SLC35H1: variants seen among roughly 807,000 people sequenced by gnomAD.
SLC35H1 encodes the protein ovarian cancer-overexpressed gene 1 protein.
the SLC35H1 span, among the ~76,000 whole-genome samples, chr20:46,354,006 C>T: frequency 6.6e-6 from 1 of 152,064 alleles, no homozygotes; most frequent in Non-Finnish European, 1.5e-5. Context: ...GCATTACAGA[C>T]GGGACTCTGG....
chr20:46,359,015 C>T, the SLC35H1 span: 1 of 507,276 alleles, frequency 2.0e-6, no homozygotes, highest in Non-Finnish European at 3.6e-6. Flanking sequence ...TCAGCAGCTT[C>T]CAGTGCTTTT....
the SLC35H1 span, among the ~76,000 whole-genome samples, chr20:46,357,392 C>T: frequency 6.6e-6 from 1 of 152,190 alleles, no homozygotes; most frequent in East Asian, 1.9e-4. Context: ...GCTGCGGGGC[C>T]GCAGGTGCAG....
At chr20:46,355,411 C>T in the SLC35H1 span, 1 of 725,204 alleles carries the variant, frequency 1.4e-6, no homozygotes, top group South Asian at 1.9e-5. This position sits in a 1 kb window ranked among gnomAD's most constrained non-coding sequence, Gnocchi z 4.8. Flanking sequence ...CCACCAATGT[C>T]AGCATGTAGG....
the SLC35H1 span, chr20:46,359,014 T>A: frequency 2.0e-6 from 1 of 507,260 alleles, no homozygotes; most frequent in South Asian, 2.1e-5. Flanking sequence ...TTCAGCAGCT[T>A]CCAGTGCTTT....
At chr20:46,357,466 G>A in the SLC35H1 span, among the ~76,000 whole-genome samples, 4 of 152,238 alleles carry the variant, frequency 2.6e-5, no homozygotes, top group Non-Finnish European at 4.4e-5. Flanking sequence ...AGGCAGCAGC[G>A]TGGGTGGTGG....
chr20:46,355,195 A>T, the SLC35H1 span: 8 of 1,613,976 alleles, frequency 5.0e-6, no homozygotes, highest in Non-Finnish European at 6.8e-6. The surrounding 1 kb of genome is among the most constrained non-coding windows in gnomAD (Gnocchi z 4.8). Context: ...GGTGAACATG[A>T]AGAGACCCCC....
the SLC35H1 span, chr20:46,347,317 C>T: frequency 6.6e-6 from 1 of 152,234 alleles, no homozygotes; most frequent in Non-Finnish European, 1.5e-5. Context: ...TACAATCAGT[C>T]CTTACTGCAC....
chr20:46,350,990 A>G, the SLC35H1 span: 1 of 1,476,498 alleles, frequency 6.8e-7, no homozygotes, highest in South Asian at 1.3e-5. Flanking sequence ...TCAGGTGGGC[A>G]GATCAAGATC....
At chr20:46,355,715 A>G in the SLC35H1 span, 2 of 1,586,954 alleles carry the variant, frequency 1.3e-6, no homozygotes, top group Non-Finnish European at 1.7e-6. This position sits in a 1 kb window ranked among gnomAD's most constrained non-coding sequence, Gnocchi z 4.8. Flanking sequence ...CCTCTGTCAC[A>G]CAGCAGGACA....
At chr20:46,361,253 C>G in the SLC35H1 span, among the ~76,000 whole-genome samples, 1 of 152,212 alleles carries the variant, frequency 6.6e-6, no homozygotes, top group African/African-American at 2.4e-5. Context: ...CTCCTAGTTG[C>G]TCAGGCCAAA....
At chr20:46,351,737 A>G in the SLC35H1 span, among the ~76,000 whole-genome samples, 19 of 152,214 alleles carry the variant, frequency 1.2e-4, no homozygotes, top group African/African-American at 4.6e-4. Flanking sequence ...AGTCAAGGTA[A>G]AATGTGAATG....
chr20:46,360,670 T>C, the SLC35H1 span, among the ~76,000 whole-genome samples: 1 of 152,000 alleles, frequency 6.6e-6, no homozygotes, highest in Non-Finnish European at 1.5e-5. Context: ...TCAGGCTCCC[T>C]AGTAGCTGGG....
the SLC35H1 span, chr20:46,346,751 T>G: frequency 6.6e-6 from 1 of 152,126 alleles, no homozygotes; most frequent in African/African-American, 2.4e-5. Context: ...CCAGGCATGG[T>G]GGTGGGTGCC....
the SLC35H1 span, chr20:46,359,090 G>A: frequency 5.6e-6 from 2 of 354,448 alleles, no homozygotes; most frequent in South Asian, 2.6e-5. Flanking sequence ...GGTCTTCCCA[G>A]TCTCAGCCAC....
At chr20:46,358,609 C>T in the SLC35H1 span, 7 of 1,584,974 alleles carry the variant, frequency 4.4e-6, no homozygotes, top group Non-Finnish European at 6.0e-6. Context: ...ACAGCTTTCA[C>T]CAAGAACGTC....
chr20:46,351,963 G>T, the SLC35H1 span: 2 of 1,382,200 alleles, frequency 1.4e-6, no homozygotes, highest in East Asian at 2.4e-5. Flanking sequence ...GGGCCCTGGG[G>T]TGCAGGAGCT....
chr20:46,349,534 G>T, the SLC35H1 span: 3 of 152,276 alleles, frequency 2.0e-5, no homozygotes, highest in African/African-American at 7.2e-5. Context: ...AGGATTAAAA[G>T]AAATGCTTAT....
chr20:46,359,701 C>T, the SLC35H1 span, among the ~76,000 whole-genome samples: 1 of 152,174 alleles, frequency 6.6e-6, no homozygotes, highest in Non-Finnish European at 1.5e-5. Context: ...CCTGTCTGTG[C>T]CTGGAGGAGC....
the SLC35H1 span, among the ~76,000 whole-genome samples, chr20:46,358,164 T>C: frequency 6.6e-6 from 1 of 152,144 alleles, no homozygotes; most frequent in African/African-American, 2.4e-5. Context: ...TTTCCCCAGC[T>C]CATCCCTTCA....
Sources: allele counts gnomAD v4.1 joint callset (sites outside exome capture counted in the v4.1 genomes callset), GRCh38; gene constraint gnomAD v4.1.1; non-coding constraint Gnocchi (gnomAD v3.1); transcripts MANE v1.5; gene names NCBI Gene and HGNC (gene_info 2026-07-23, HGNC 2026-07-21).